Variants in CADM2 observed in about 807,000 individuals in gnomAD.
The protein encoded by CADM2 is cell adhesion molecule 2, also known as immunoglobulin superfamily member 4D.
CADM2 carries 12 observed loss-of-function variants against 49.8 expected under a neutral mutation model. That is an observed-to-expected ratio of 0.24 (90% confidence interval 0.15 to 0.39). CADM2 has a LOEUF of 0.39. CADM2 is among the 10% of genes least tolerant of loss of function. The pLI, the probability that CADM2 is intolerant of heterozygous loss-of-function variation, is 1.00. For synonymous variants in CADM2, 214 were observed against 175.4 expected, an observed-to-expected ratio of 1.22 and a Z score of -1.74; for missense variants, 378 against 492.3, an observed-to-expected ratio of 0.77 and a Z score of 2.20.
chr3:85,652,001 T>TTTTTTTTTTTTTTTG (rs2065056888), intron 1 of CADM2, among the ~76,000 whole-genome samples: 1 of 149,958 alleles, frequency 6.7e-6, no homozygotes, highest in Non-Finnish European at 1.5e-5. Context: ...TTTTTTTAAT[T>TTTTTTTTTTTTTTTG]AGAGACGGGT....
intron 5 of CADM2, among the ~76,000 whole-genome samples, chr3:85,888,478 G>T (rs1713978909): frequency 6.6e-6 from 1 of 152,058 alleles, no homozygotes; most frequent in South Asian, 2.1e-4. Context: ...ACAGAAACAG[G>T]TACAGAATCA....
chr3:85,294,124 A>T (rs960468935), intron 1 of CADM2, among the ~76,000 whole-genome samples: 5 of 151,932 alleles, frequency 3.3e-5, no homozygotes, highest in African/African-American at 1.2e-4. Context: ...CAAAAATCAC[A>T]AGCATTCTTA....
intron 1 of CADM2, among the ~76,000 whole-genome samples, chr3:84,961,362 G>T (rs1391544701): frequency 6.6e-6 from 1 of 152,120 alleles, no homozygotes; most frequent in Non-Finnish European, 1.5e-5. Flanking sequence ...AGAAAATTTT[G>T]GTGGTACTTT....
At chr3:85,317,488 A>G (rs2044497189) in intron 1 of CADM2, among the ~76,000 whole-genome samples, 1 of 152,164 alleles carries the variant, frequency 6.6e-6, no homozygotes, top group Non-Finnish European at 1.5e-5. Context: ...GATAATTTAT[A>G]AGGAAAAAAA....
intron 1 of CADM2, among the ~76,000 whole-genome samples, chr3:85,661,489 C>T (rs1196342042): frequency 6.6e-6 from 1 of 152,074 alleles, no homozygotes; most frequent in South Asian, 2.1e-4. Context: ...TTAGGCACCT[C>T]CTTGCTTCCT....
In CADM2 at chr3:85,348,086, A is replaced by G. The variant is rs180798410; in HGVS notation, c.62-378436A>G. Among the ~76,000 whole-genome samples the G allele has an allele frequency of 2.8e-3, 426 of 152,212 alleles. 1 individual carries two copies. The highest frequency in any genetic ancestry group is 5.0e-3 in the Non-Finnish European group (342 of 67,998). ...TATTAAATTTTTGTCATCTTTCAGT[A>G]TCTCCCAAGACTTTTATTTTATCCT... On this transcript the variant is annotated intron_variant, in intron 1 of 9. Coordinates refer to ENST00000383699, the MANE Select transcript of CADM2 (RefSeq NM_001167675.2).
At chr3:85,895,651 G>A (rs564350420) in intron 5 of CADM2, among the ~76,000 whole-genome samples, 2 of 152,150 alleles carry the variant, frequency 1.3e-5, no homozygotes, top group South Asian at 4.1e-4. Flanking sequence ...TAATTCTCAG[G>A]TGTTATGGGA....
intron 1 of CADM2, among the ~76,000 whole-genome samples, chr3:85,265,299 A>ATT (rs146359517): frequency 3.3e-5 from 5 of 151,032 alleles, no homozygotes; most frequent in African/African-American, 9.7e-5. Flanking sequence ...ATCAAGGAAT[A>ATT]TTTTTTTTTG....
intron 1 of CADM2, among the ~76,000 whole-genome samples, chr3:85,039,460 C>G (rs946873885): frequency 2.0e-5 from 3 of 151,048 alleles, no homozygotes; most frequent in African/African-American, 7.3e-5. Flanking sequence ...CCTTATAGTT[C>G]TAGTAATACA....
intron 1 of CADM2, among the ~76,000 whole-genome samples, chr3:85,184,650 C>A (rs1452118): frequency 0.93 from 140,725 of 152,008 alleles, 65,416 homozygotes; most frequent in East Asian, 1. Flanking sequence ...GCTCTGAAAA[C>A]AATATTCCTC....
chr3:85,045,638 G>T (rs2035626138), intron 1 of CADM2, among the ~76,000 whole-genome samples: 1 of 118,918 alleles, frequency 8.4e-6, no homozygotes, highest in South Asian at 2.7e-4. Flanking sequence ...TGCGTGAGGA[G>T]AATGTGTAGC....
At chr3:85,227,011 C>A (rs975986085) in intron 1 of CADM2, among the ~76,000 whole-genome samples, 7 of 152,042 alleles carry the variant, frequency 4.6e-5, no homozygotes, top group Admixed American at 4.6e-4. Flanking sequence ...GATTTTTGTT[C>A]TTTTATATTT....
chr3:86,029,514 G>A (rs536578067), intron 8 of CADM2, among the ~76,000 whole-genome samples: 1 of 151,972 alleles, frequency 6.6e-6, no homozygotes, highest in Admixed American at 6.6e-5. Context: ...ACAGGATTTG[G>A]GACTCCATAT....
intron 1 of CADM2, among the ~76,000 whole-genome samples, chr3:85,431,260 C>T (rs1449860535): frequency 1.3e-5 from 2 of 152,066 alleles, no homozygotes; most frequent in Non-Finnish European, 2.9e-5. Context: ...TTTGCACAAT[C>T]TCAGAACTGC....
chr3:85,687,346 A>G (rs892342896), intron 1 of CADM2, among the ~76,000 whole-genome samples: 2 of 152,176 alleles, frequency 1.3e-5, no homozygotes, highest in Admixed American at 1.3e-4. Context: ...GCTTTTGTTA[A>G]TATGAATCAT....
intron 3 of CADM2, among the ~76,000 whole-genome samples, chr3:85,820,183 G>A (rs757994869): frequency 1.3e-5 from 2 of 152,120 alleles, no homozygotes; most frequent in Admixed American, 6.6e-5. Flanking sequence ...GAAGGCAGAG[G>A]TAGTGGGATG....
intron 1 of CADM2, among the ~76,000 whole-genome samples, chr3:85,524,767 A>T (rs1430005466): frequency 6.6e-6 from 1 of 152,172 alleles, no homozygotes; most frequent in East Asian, 1.9e-4. Context: ...ATTCCTCCTT[A>T]GAGTTCCATT....
chr3:85,194,197 A>C (rs1365544613), intron 1 of CADM2, among the ~76,000 whole-genome samples: 1 of 152,098 alleles, frequency 6.6e-6, no homozygotes, highest in Non-Finnish European at 1.5e-5. Context: ...TAAGTGCGCT[A>C]GGTAAGAGGG....
At chr3:86,041,392 C>G (rs1287267813) in intron 8 of CADM2, among the ~76,000 whole-genome samples, 6 of 151,860 alleles carry the variant, frequency 4.0e-5, no homozygotes, top group African/African-American at 1.2e-4. Flanking sequence ...GGAAGATCTA[C>G]GAAGCAAATG....
Sources: gnomAD v4.1 joint callset for allele counts (sites outside exome capture counted in the v4.1 genomes callset) on GRCh38, gnomAD v4.1.1 for gene constraint, MANE v1.5 for transcripts, NCBI Gene and HGNC (gene_info 2026-07-23, HGNC 2026-07-21) for gene names.